Variants in DISC1 observed in about 807,000 individuals in gnomAD.
DISC1 encodes DISC1 scaffold protein, also known as disrupted in schizophrenia 1 protein.
Under a neutral mutation model 84.5 loss-of-function variants are expected in DISC1, and 57 were observed. The observed-to-expected ratio is 0.67, with a 90% CI of 0.55 to 0.84. The LOEUF (loss-of-function observed/expected upper bound fraction) is 0.84. Ranked by LOEUF, DISC1 falls within the 40% of genes least tolerant of loss-of-function variation. The pLI is 0.00. For synonymous variants in DISC1, 411 were observed against 415.2 expected (o/e 0.99, Z 0.12); for missense variants, 1,000 against 1,057.8 (o/e 0.95, Z 0.76).
chr1:231,914,503 A>G (rs1032939782), intron 9 of DISC1, among the ~76,000 whole-genome samples: 2 of 152,150 alleles, frequency 1.3e-5, no homozygotes, highest in Admixed American at 1.3e-4. Flanking sequence ...ACCATGTGGG[A>G]AGGAAAATAG....
chr1:231,893,293 C>G (rs746295432), intron 9 of DISC1, among the ~76,000 whole-genome samples: 4 of 151,814 alleles, frequency 2.6e-5, no homozygotes, highest in African/African-American at 4.8e-5. Flanking sequence ...TTTAAAAGAC[C>G]TTGGATCATG....
intron 9 of DISC1, among the ~76,000 whole-genome samples, chr1:231,874,282 C>T (rs554814034): frequency 3.3e-5 from 5 of 150,434 alleles, no homozygotes; most frequent in African/African-American, 9.8e-5. Context: ...CTCAGTCCCC[C>T]GAGTAGCTGG....
chr1:231,908,909 G>A (rs1052631923), intron 9 of DISC1, among the ~76,000 whole-genome samples: 6 of 152,034 alleles, frequency 3.9e-5, no homozygotes, highest in Non-Finnish European at 8.8e-5. Flanking sequence ...TGTATTCCTA[G>A]GTATTTTATT....
chr1:231,657,861 C>T (rs968713165), intron 1 of DISC1, among the ~76,000 whole-genome samples: 1 of 152,148 alleles, frequency 6.6e-6, no homozygotes, highest in Non-Finnish European at 1.5e-5. Flanking sequence ...TGTACCAATA[C>T]CCTGCTGTTT....
intron 9 of DISC1, among the ~76,000 whole-genome samples, chr1:231,851,860 T>C (rs141208905): frequency 6.6e-6 from 1 of 152,138 alleles, no homozygotes; most frequent in Non-Finnish European, 1.5e-5. Context: ...GAATATAAAA[T>C]TGGGACCTTG....
chr1:231,817,633 T>G (rs144634624), intron 8 of DISC1, among the ~76,000 whole-genome samples: 4 of 152,340 alleles, frequency 2.6e-5, no homozygotes, highest in African/African-American at 7.2e-5. Context: ...CTCAGTATTA[T>G]GAGATTTAAA....
chr1:231,764,505 A>G (rs1406497534), intron 4 of DISC1, among the ~76,000 whole-genome samples: 5 of 152,090 alleles, frequency 3.3e-5, no homozygotes, highest in Non-Finnish European at 7.4e-5. Flanking sequence ...ACAATGGTTC[A>G]TTTCATACTT....
At chr1:232,035,741 C>T (rs1012359698) in intron 12 of DISC1, among the ~76,000 whole-genome samples, 8 of 152,168 alleles carry the variant, frequency 5.3e-5, no homozygotes, top group Admixed American at 1.3e-4. Flanking sequence ...TTAAACCCAA[C>T]GCTCACCCTG....
intron 9 of DISC1, among the ~76,000 whole-genome samples, chr1:231,844,483 T>C (rs1182836367): frequency 1.3e-5 from 2 of 152,112 alleles, no homozygotes; most frequent in African/African-American, 4.8e-5. Context: ...GTTTAGGGTT[T>C]TCATGGAGCT....
intron 9 of DISC1, among the ~76,000 whole-genome samples, chr1:231,955,582 C>T: frequency 6.6e-6 from 1 of 151,870 alleles, no homozygotes; most frequent in East Asian, 1.9e-4. Context: ...CTCCGCCTCC[C>T]ACGTTCAAGG....
chr1:231,973,784 T>C (rs1210441590), intron 10 of DISC1, among the ~76,000 whole-genome samples: 1 of 152,200 alleles, frequency 6.6e-6, no homozygotes, highest in Non-Finnish European at 1.5e-5. Flanking sequence ...GAGTGGGACA[T>C]CCTTTTTAAA....
At chr1:231,869,938 G>A (rs201938746) in intron 9 of DISC1, among the ~76,000 whole-genome samples, 14 of 152,224 alleles carry the variant, frequency 9.2e-5, no homozygotes, top group Non-Finnish European at 1.8e-4. Context: ...GGGAGAGCCC[G>A]TGTATGAAAA....
chr1:231,787,532 T>C (rs1165551523), intron 6 of DISC1, among the ~76,000 whole-genome samples: 1 of 152,168 alleles, frequency 6.6e-6, no homozygotes, highest in Non-Finnish European at 1.5e-5. Flanking sequence ...AGTAATGATA[T>C]CAATTCATTC....
chr1:231,656,646 A>T (rs564555834), intron 1 of DISC1, among the ~76,000 whole-genome samples: 2 of 152,140 alleles, frequency 1.3e-5, no homozygotes, highest in East Asian at 3.9e-4. Flanking sequence ...TTTTAAGTTC[A>T]TGGGTACATG....
chr1:231,922,091 G>T (rs1360265964), intron 9 of DISC1, among the ~76,000 whole-genome samples: 1 of 152,096 alleles, frequency 6.6e-6, no homozygotes, highest in African/African-American at 2.4e-5. Context: ...TTGGGAATTT[G>T]GGTGAATCCT....
At chr1:231,819,169 A>C (rs2125764783) in intron 9 of DISC1, 1 of 974,536 alleles carries the variant, frequency 1.0e-6, no homozygotes, top group Non-Finnish European at 1.2e-6. Context: ...TTATTTCTTA[A>C]AAAATGGTTC....
intron 9 of DISC1, among the ~76,000 whole-genome samples, chr1:231,872,018 C>G (rs1272360364): frequency 6.6e-6 from 1 of 152,194 alleles, no homozygotes; most frequent in Admixed American, 6.5e-5. Flanking sequence ...CTTGGGGACT[C>G]TGCCAGGCAG....
At chr1:231,868,965 T>A (rs2085267855) in intron 9 of DISC1, among the ~76,000 whole-genome samples, 1 of 150,964 alleles carries the variant, frequency 6.6e-6, no homozygotes. Flanking sequence ...CATGGGGTAA[T>A]AATAATCAGG....
chr1:231,802,125 C>T (rs952076576), intron 8 of DISC1, among the ~76,000 whole-genome samples: 11 of 152,020 alleles, frequency 7.2e-5, no homozygotes, highest in Admixed American at 5.9e-4. Flanking sequence ...TGTCTCTCTT[C>T]AAGTTTCTAT....
Sources: gnomAD v4.1 joint callset for allele counts (sites outside exome capture counted in the v4.1 genomes callset) on GRCh38, gnomAD v4.1.1 for gene constraint, MANE v1.5 for transcripts, NCBI Gene and HGNC (gene_info 2026-07-23, HGNC 2026-07-21) for gene names.